Variants in HS6ST3 observed in about 807,000 individuals in gnomAD.
The protein encoded by HS6ST3 is heparan sulfate 6-O-sulfotransferase 3.
In HS6ST3, 12 loss-of-function variants were observed where a neutral mutation model predicts 36.7. That is an observed-to-expected ratio of 0.33 (90% CI 0.21 to 0.53). The LOEUF (loss-of-function observed/expected upper bound fraction) is 0.53, where lower values mean the gene tolerates loss of function less well. Among genes scored for constraint, HS6ST3 ranks in the 20% least tolerant of loss-of-function variants. The pLI, the probability that HS6ST3 is intolerant of heterozygous loss-of-function variation, is 0.95. For synonymous variants in HS6ST3, 240 were observed against 257.5 expected (o/e 0.93, Z 0.65); for missense variants, 584 against 640.9 (o/e 0.91, Z 0.96).
At chr13:96,257,069 A>T (rs2054640888) in intron 1 of HS6ST3, among the ~76,000 whole-genome samples, 4 of 152,112 alleles carry the variant, frequency 2.6e-5, no homozygotes, top group Non-Finnish European at 4.4e-5. Context: ...GGATGAGTGG[A>T]CTTATTTCTG....
chr13:96,279,548 T>G (rs1451965779), intron 1 of HS6ST3, among the ~76,000 whole-genome samples: 1 of 152,190 alleles, frequency 6.6e-6, no homozygotes, highest in Non-Finnish European at 1.5e-5. Flanking sequence ...AAAGGTTGAT[T>G]GCAGAAAGAA....
chr13:96,504,749 T>C (rs2056019544), intron 1 of HS6ST3, among the ~76,000 whole-genome samples: 1 of 152,092 alleles, frequency 6.6e-6, no homozygotes, highest in Non-Finnish European at 1.5e-5. Flanking sequence ...AAAATAAGTC[T>C]CGTTATATTA....
intron 1 of HS6ST3, among the ~76,000 whole-genome samples, chr13:96,619,574 C>A (rs1169820994): frequency 1.3e-5 from 2 of 152,156 alleles, no homozygotes; most frequent in Non-Finnish European, 2.9e-5. Flanking sequence ...CACTGAGGTG[C>A]AGTGTATGTA....
intron 1 of HS6ST3, among the ~76,000 whole-genome samples, chr13:96,764,409 C>A (rs1040858538): frequency 2.0e-5 from 3 of 152,216 alleles, no homozygotes; most frequent in African/African-American, 7.2e-5. Context: ...GCCTCATTAT[C>A]ATTTCTTTAA....
chr13:96,317,764 T>C (rs1349271624), intron 1 of HS6ST3, among the ~76,000 whole-genome samples: 2 of 151,678 alleles, frequency 1.3e-5, no homozygotes, highest in Non-Finnish European at 2.9e-5. Flanking sequence ...TTCTGACTGG[T>C]GTGAGATGAT....
intron 1 of HS6ST3, among the ~76,000 whole-genome samples, chr13:96,661,888 C>G (rs1475217795): frequency 2.0e-5 from 3 of 152,074 alleles, no homozygotes; most frequent in African/African-American, 7.2e-5. Flanking sequence ...TCTTTTCTGG[C>G]AGTTCTTTTC....
intron 1 of HS6ST3, among the ~76,000 whole-genome samples, chr13:96,209,336 A>G (rs1281231680): frequency 2.0e-5 from 3 of 152,152 alleles, no homozygotes; most frequent in African/African-American, 7.2e-5. Context: ...TTTTGTGGAG[A>G]AGGTCTGAGG....
Position 96,720,002 on chromosome 13 carries a change from T to A in HS6ST3, c.708-112488T>A, listed in dbSNP as rs528212578. Reference sequence around the variant, plus strand: ...TCTCACAGACAAGGGGCTAACAAATTGCAGGGTGCATATATCATGGGGCTC... The same window carrying A: ...TCTCACAGACAAGGGGCTAACAAATAGCAGGGTGCATATATCATGGGGCTC... On this transcript the variant is annotated intron_variant, in intron 1 of 1. Transcript: ENST00000376705. Among the ~76,000 whole-genome samples, 4 of 152,266 alleles carry A rather than the reference T, an allele frequency of 2.6e-5. No individual in the cohort carries two copies. In the East Asian group the frequency reaches 7.7e-4, roughly 29 times the overall value.
At chr13:96,409,091 A>T (rs1352023326) in intron 1 of HS6ST3, among the ~76,000 whole-genome samples, 1 of 152,220 alleles carries the variant, frequency 6.6e-6, no homozygotes, top group African/African-American at 2.4e-5. Context: ...GAAACTAGGG[A>T]AGACTTCATG....
intron 1 of HS6ST3, among the ~76,000 whole-genome samples, chr13:96,523,490 T>C (rs1486885437): frequency 1.3e-5 from 2 of 152,224 alleles, no homozygotes; most frequent in Non-Finnish European, 2.9e-5. Flanking sequence ...TTCCTGTCAC[T>C]TTCAGGTACA....
chr13:96,139,147 A>G (rs965453124), intron 1 of HS6ST3, among the ~76,000 whole-genome samples: 4 of 152,120 alleles, frequency 2.6e-5, no homozygotes, highest in African/African-American at 7.2e-5. Flanking sequence ...TCTCTAAGCG[A>G]AAGGAAAAGT....
intron 1 of HS6ST3, among the ~76,000 whole-genome samples, chr13:96,522,902 T>C (rs2056099382): frequency 6.6e-6 from 1 of 152,204 alleles, no homozygotes; most frequent in African/African-American, 2.4e-5. Flanking sequence ...GATCCTGTCA[T>C]TATGATGTTA....
chr13:96,530,148 G>A (rs996321416), intron 1 of HS6ST3, among the ~76,000 whole-genome samples: 1 of 143,908 alleles, frequency 6.9e-6, no homozygotes, highest in Non-Finnish European at 1.5e-5. Flanking sequence ...CAACTGCATA[G>A]GATTTCATTA....
chr13:96,496,185 A>T (rs1167239194), intron 1 of HS6ST3, among the ~76,000 whole-genome samples: 1 of 152,110 alleles, frequency 6.6e-6, no homozygotes, highest in Non-Finnish European at 1.5e-5. Flanking sequence ...CCCACCCCTG[A>T]CTACAGTGGC....
intron 1 of HS6ST3, among the ~76,000 whole-genome samples, chr13:96,141,704 T>G (rs2054032672): frequency 6.6e-6 from 1 of 151,954 alleles, no homozygotes; most frequent in Admixed American, 6.6e-5. Context: ...ACACTGAAGG[T>G]TCCAAAGTGA....
rs1238471052 is a variant in HS6ST3, at chr13:96,836,866, C to G, written c.*3668C>G. ...AGCTCTGGTGTGTGATGTTACCAGA[C>G]GCCTAGGCCCTCTCCTGTTGCTCTG... On this transcript the variant is annotated 3_prime_UTR_variant, in exon 2 of 2. Transcript: ENST00000376705. The G allele has an allele frequency of 1.3e-5, 2 of 152,194 alleles. No individual in the cohort carries two copies. The highest frequency in any genetic ancestry group is 2.1e-4 in the South Asian group (1 of 4,826). The allele number at this position is 152,194 out of a possible 1,614,324, so 9.4% of individuals were successfully genotyped here. A position where few individuals can be genotyped will look rare whatever the true frequency, so the allele number is the denominator to read the frequency against.
intron 1 of HS6ST3, among the ~76,000 whole-genome samples, chr13:96,809,565 A>G (rs1878270861): frequency 6.6e-6 from 1 of 152,212 alleles, no homozygotes; most frequent in South Asian, 2.1e-4. Context: ...GAGCTTTCAC[A>G]TGAAGAAGTA....
At chr13:96,269,843 T>G (rs1305841389) in intron 1 of HS6ST3, among the ~76,000 whole-genome samples, 1 of 152,012 alleles carries the variant, frequency 6.6e-6, no homozygotes, top group Non-Finnish European at 1.5e-5. Context: ...CAGTTCATAA[T>G]GTAGCTATGT....
chr13:96,312,722 C>T (rs886790744), intron 1 of HS6ST3, among the ~76,000 whole-genome samples: 1 of 151,912 alleles, frequency 6.6e-6, no homozygotes, highest in Non-Finnish European at 1.5e-5. Flanking sequence ...GAGGCTGAGT[C>T]GGGCAGATTG....
Sources: gnomAD v4.1 joint callset for allele counts (sites outside exome capture counted in the v4.1 genomes callset) on GRCh38, gnomAD v4.1.1 for gene constraint, MANE v1.5 for transcripts, NCBI Gene and HGNC (gene_info 2026-07-23, HGNC 2026-07-21) for gene names.